EXOC6: variants seen among roughly 807,000 people sequenced by gnomAD.
EXOC6 encodes the protein SEC15-like 1.
A neutral mutation model predicts 112.5 loss-of-function variants in EXOC6; 60 were observed. That is an observed-to-expected ratio of 0.53 (90% CI 0.43 to 0.66). EXOC6 has a LOEUF of 0.66. EXOC6 is among the 30% of genes least tolerant of loss of function. The probability of loss-of-function intolerance (pLI) is 0.00; values close to 1 mark genes in which losing one functional copy is unlikely to be tolerated. For synonymous variants in EXOC6, 295 were observed against 308.0 expected, an observed-to-expected ratio of 0.96 and a Z score of 0.44; for missense variants, 855 against 957.1, an observed-to-expected ratio of 0.89 and a Z score of 1.41.
At chr10:92,932,139 T>C (rs1331734067) in intron 9 of EXOC6, among the ~76,000 whole-genome samples, 1 of 152,162 alleles carries the variant, frequency 6.6e-6, no homozygotes, top group Non-Finnish European at 1.5e-5. Flanking sequence ...AATTGATACA[T>C]GCAGTGATAT....
intron 20 of EXOC6, among the ~76,000 whole-genome samples, chr10:93,014,948 TG>T (rs1844433056): frequency 6.6e-6 from 1 of 152,128 alleles, no homozygotes; most frequent in South Asian, 2.1e-4. Context: ...TTCCTCTTTT[TG>T]TTTTTTTTTA....
intron 20 of EXOC6, among the ~76,000 whole-genome samples, chr10:93,030,477 C>A (rs915516495): frequency 6.6e-6 from 1 of 152,170 alleles, no homozygotes; most frequent in Admixed American, 6.5e-5. Context: ...TGCAGTAAAC[C>A]AGTCAGTCAT....
chr10:92,934,878 T>A (rs1468680127), intron 11 of EXOC6, among the ~76,000 whole-genome samples: 3 of 152,118 alleles, frequency 2.0e-5, no homozygotes, highest in Admixed American at 2.0e-4. Flanking sequence ...TTTGAAATAT[T>A]GAACCTTTGT....
At chr10:93,054,732 A>G (rs1247841581) in intron 20 of EXOC6, among the ~76,000 whole-genome samples, 3 of 152,204 alleles carry the variant, frequency 2.0e-5, no homozygotes, top group Non-Finnish European at 4.4e-5. Flanking sequence ...GCCTAGAGAA[A>G]AAGAGCCTTA....
chr10:92,859,288 G>A (rs1847783860), intron 1 of EXOC6, among the ~76,000 whole-genome samples: 1 of 152,126 alleles, frequency 6.6e-6, no homozygotes. Flanking sequence ...CCCTCACAGT[G>A]GGAAGTCTCT....
chr10:92,919,068 AC>A (rs1851282312), intron 7 of EXOC6, among the ~76,000 whole-genome samples: 1 of 152,056 alleles, frequency 6.6e-6, no homozygotes, highest in South Asian at 2.1e-4. Flanking sequence ...TATTCAGAGG[AC>A]CTCTGTATTA....
At chr10:92,919,209 A>G (rs56112656) in intron 7 of EXOC6, among the ~76,000 whole-genome samples, 15,607 of 152,014 alleles carry the variant, frequency 0.1, 880 homozygotes, top group Admixed American at 0.17. Flanking sequence ...AGACCTTTAC[A>G]TTTAGAGGAG....
At chr10:92,923,884 A>G (rs1851572395) in intron 8 of EXOC6, among the ~76,000 whole-genome samples, 1 of 152,186 alleles carries the variant, frequency 6.6e-6, no homozygotes, top group Non-Finnish European at 1.5e-5. Context: ...CAGTACTACC[A>G]TGGTGCATTG....
intron 17 of EXOC6, among the ~76,000 whole-genome samples, chr10:92,968,917 G>T (rs183661628): frequency 6.6e-6 from 1 of 152,158 alleles, no homozygotes; most frequent in East Asian, 1.9e-4. Context: ...GTAAGTGGAA[G>T]TATTAACCCA....
chr10:92,876,940 T>G (rs1848709177), intron 1 of EXOC6, among the ~76,000 whole-genome samples: 1 of 140,400 alleles, frequency 7.1e-6, no homozygotes, highest in African/African-American at 2.8e-5. Context: ...AAAAAGAACT[T>G]AAATCAAGTT....
intron 1 of EXOC6, among the ~76,000 whole-genome samples, chr10:92,883,776 A>T (rs1482775500): frequency 6.6e-6 from 1 of 152,238 alleles, no homozygotes; most frequent in Non-Finnish European, 1.5e-5. Flanking sequence ...GGCAGAAAAT[A>T]GGTTAGTGTT....
chr10:92,837,281 G>A (rs548079544), intron 1 of EXOC6, among the ~76,000 whole-genome samples: 7 of 152,278 alleles, frequency 4.6e-5, no homozygotes, highest in East Asian at 1.9e-4. Flanking sequence ...TAATGGTGAC[G>A]AAAATACTTA....
intron 20 of EXOC6, among the ~76,000 whole-genome samples, chr10:93,052,153 A>G (rs1846323375): frequency 6.6e-6 from 1 of 152,238 alleles, no homozygotes; most frequent in Non-Finnish European, 1.5e-5. Context: ...GATTCAAGGA[A>G]AAAATGACCT....
chr10:92,840,260 G>A (rs1846798456), intron 1 of EXOC6, among the ~76,000 whole-genome samples: 1 of 152,000 alleles, frequency 6.6e-6, no homozygotes, highest in Non-Finnish European at 1.5e-5. Context: ...TGTAAGATTT[G>A]TATTAAATCT....
chr10:92,920,012 T>C lies in EXOC6; in HGVS notation c.850T>C (p.Ser284Pro), dbSNP rs1444962252. 1 of 1,607,834 alleles carries C rather than the reference T, an allele frequency of 6.2e-7. No homozygotes were observed. Among genetic ancestry groups the C allele is most frequent in the South Asian group, 1.1e-5 (1 of 90,040 alleles). ...AACTGTTCAGGATCTTGTTGATTTT[T>C]CCCCTGTTTATCGATGTTTGCACAT... is the stretch of plus-strand genomic sequence containing the variant. ...ILTVQDLVDF[S>P]PVYRCLHIYS... Residue 284 changes from serine (S) to proline (P), a missense_variant, in exon 8 of 22, where the codon TCC (serine) becomes CCC (proline). Coordinates refer to ENST00000260762, the MANE Select transcript of EXOC6 (RefSeq NM_019053.6).
intron 1 of EXOC6, among the ~76,000 whole-genome samples, chr10:92,891,066 G>A (rs1849476657): frequency 6.6e-6 from 1 of 152,156 alleles, no homozygotes; most frequent in South Asian, 2.1e-4. Context: ...CCAATGGGGA[G>A]GTAGTTTGCT....
chr10:92,827,086 A>G (rs972568599), intron 1 of EXOC6, among the ~76,000 whole-genome samples: 2 of 152,230 alleles, frequency 1.3e-5, no homozygotes, highest in Admixed American at 6.5e-5. Flanking sequence ...GAATGAATGA[A>G]TAACAGTTTC....
chr10:92,878,573 T>G (rs942329680), intron 1 of EXOC6, among the ~76,000 whole-genome samples: 2 of 152,130 alleles, frequency 1.3e-5, no homozygotes, highest in African/African-American at 4.8e-5. Context: ...AGTGCGCCCC[T>G]GGAAGATCAT....
At chr10:92,924,466 A>G (rs1160814526) in intron 8 of EXOC6, among the ~76,000 whole-genome samples, 3 of 152,118 alleles carry the variant, frequency 2.0e-5, no homozygotes, top group African/African-American at 4.8e-5. Flanking sequence ...AAAGTGGGTA[A>G]AGCTGTTTAG....
Sources: allele counts gnomAD v4.1 joint callset (sites outside exome capture counted in the v4.1 genomes callset), GRCh38; gene constraint gnomAD v4.1.1; transcripts MANE v1.5; gene names NCBI Gene and HGNC (gene_info 2026-07-23, HGNC 2026-07-21).